TNFAIP8: variants seen among roughly 807,000 people sequenced by gnomAD.
TNFAIP8 encodes TNF alpha induced protein 8, also known as tumor necrosis factor alpha-induced protein 8.
Under a neutral mutation model 13.3 loss-of-function variants are expected in TNFAIP8, and 7 were observed. The observed-to-expected ratio is 0.52, with a 90% CI of 0.30 to 0.99. The LOEUF (loss-of-function observed/expected upper bound fraction) is 0.99, where lower values mean the gene tolerates loss of function less well. Among genes scored for constraint, TNFAIP8 ranks in the 50% least tolerant of loss-of-function variants. TNFAIP8 has a pLI of 0.07. For synonymous variants in TNFAIP8, 94 were observed against 87.6 expected, an observed-to-expected ratio of 1.07 and a Z score of -0.41; for missense variants, 258 against 236.9, an observed-to-expected ratio of 1.09 and a Z score of -0.58.
At chr5:119,272,641 G>A (rs1748324190) in intron 1 of TNFAIP8, among the ~76,000 whole-genome samples, 1 of 152,182 alleles carries the variant, frequency 6.6e-6, no homozygotes, top group Non-Finnish European at 1.5e-5. Flanking sequence ...CCTGAGAATT[G>A]TTTGAAAATG....
chr5:119,312,444 C>T (rs1749758517), intron 1 of TNFAIP8, among the ~76,000 whole-genome samples: 1 of 152,116 alleles, frequency 6.6e-6, no homozygotes, highest in South Asian at 2.1e-4. Context: ...TTACATAGAA[C>T]ATGTCTTACT....
intron 1 of TNFAIP8, among the ~76,000 whole-genome samples, chr5:119,295,449 G>T (rs535730420): frequency 6.6e-6 from 1 of 151,876 alleles, no homozygotes; most frequent in East Asian, 1.9e-4. Context: ...TAGATATGCG[G>T]CGTTATTTCT....
At chr5:119,273,913 A>C (rs1176233195) in intron 1 of TNFAIP8, among the ~76,000 whole-genome samples, 2 of 152,206 alleles carry the variant, frequency 1.3e-5, no homozygotes, top group Non-Finnish European at 2.9e-5. Flanking sequence ...TCACTCTGTC[A>C]ATACCCTCTC....
rs146033490 is a variant in TNFAIP8 at position 119,373,964 on chromosome 5, G to A, written c.31+17843G>A. Among the ~76,000 whole-genome samples the A allele has an allele frequency of 2.6e-5, 4 of 151,538 alleles. No homozygotes were observed. In the East Asian group the frequency reaches 7.7e-4, roughly 29 times the overall value. ...CTGGCTAGAAACTAATAGTATTGGT[G>A]TTTTTTTTCCTCATTGAATTATTTC... is the stretch of plus-strand genomic sequence containing the variant. On this transcript the variant is annotated intron_variant, in intron 1 of 1. Transcript: ENST00000504771.
At chr5:119,370,864 T>TAA (rs1410098284) in intron 1 of TNFAIP8, among the ~76,000 whole-genome samples, 1 of 152,228 alleles carries the variant, frequency 6.6e-6, no homozygotes, top group African/African-American at 2.4e-5. Context: ...AGCTGGGAGA[T>TAA]TATTAAGGCC....
chr5:119,277,538 A>G (rs1251699503), intron 1 of TNFAIP8, among the ~76,000 whole-genome samples: 1 of 152,202 alleles, frequency 6.6e-6, no homozygotes, highest in Non-Finnish European at 1.5e-5. Flanking sequence ...TTATAAGGAT[A>G]CCAATCAAAT....
intron 1 of TNFAIP8, among the ~76,000 whole-genome samples, chr5:119,358,479 T>G (rs149805838): frequency 1.0e-3 from 153 of 152,292 alleles, no homozygotes; most frequent in African/African-American, 3.6e-3. Flanking sequence ...AATGAATAAG[T>G]GATTGTGCTT....
At chr5:119,371,917 C>G (rs767351182) in intron 1 of TNFAIP8, among the ~76,000 whole-genome samples, 8 of 151,650 alleles carry the variant, frequency 5.3e-5, no homozygotes. Flanking sequence ...GCGGGCAGAT[C>G]ACAAAGTCAG....
upstream of TNFAIP8, chr5:119,354,470 A>G (rs926377838): frequency 1.1e-4 from 16 of 152,134 alleles, no homozygotes; most frequent in African/African-American, 3.1e-4. Flanking sequence ...AATATTTATA[A>G]TAGCCTTCAC....
chr5:119,335,293 A>C (rs1750518168), intron 1 of TNFAIP8, among the ~76,000 whole-genome samples: 1 of 152,204 alleles, frequency 6.6e-6, no homozygotes, highest in Non-Finnish European at 1.5e-5. Context: ...TAAATGAACG[A>C]GAGAGAGGAG....
At chr5:119,276,725 C>A (rs1388361035) in intron 1 of TNFAIP8, among the ~76,000 whole-genome samples, 1 of 152,116 alleles carries the variant, frequency 6.6e-6, no homozygotes, top group Non-Finnish European at 1.5e-5. Context: ...AGATTAGGGT[C>A]CCACCCTTAT....
At chr5:119,284,622 A>G (rs940349442) in intron 1 of TNFAIP8, among the ~76,000 whole-genome samples, 5 of 151,978 alleles carry the variant, frequency 3.3e-5, no homozygotes, top group Admixed American at 3.3e-4. Context: ...AGGAGGTTGC[A>G]GTGAGCCAAG....
intron 1 of TNFAIP8, among the ~76,000 whole-genome samples, chr5:119,319,052 C>A (rs905800972): frequency 6.6e-6 from 1 of 152,194 alleles, no homozygotes; most frequent in African/African-American, 2.4e-5. Flanking sequence ...TCAAGGGATA[C>A]TTTAATTGTA....
chr5:119,388,793 C>A (rs1347986347), intron 1 of TNFAIP8, among the ~76,000 whole-genome samples: 3 of 144,300 alleles, frequency 2.1e-5, no homozygotes, highest in Non-Finnish European at 4.5e-5. Flanking sequence ...ACTACATGCC[C>A]AGCTATTTTT....
chr5:119,284,896 G>T lies in TNFAIP8; in HGVS notation c.1+15989G>T, dbSNP rs186931765. 2.8e-4 allele frequency among the ~76,000 whole-genome samples: 42 copies of T among 152,260 alleles called. 1 individual carries two copies. Among genetic ancestry groups the T allele is most frequent in the Admixed American group, 6.5e-4 (10 of 15,296 alleles). On this transcript the variant is annotated intron_variant, in intron 1 of 1. Coordinates refer to the TNFAIP8 transcript ENST00000274456. ...GGTGAAACTTAAATGTGCCAATTTT[G>T]AAACTTGCTAGGCATTCTAGTAGTG... is the stretch of plus-strand genomic sequence containing the variant.
chr5:119,319,534 G>A (rs758721982), intron 1 of TNFAIP8, among the ~76,000 whole-genome samples: 6 of 152,134 alleles, frequency 3.9e-5, no homozygotes, highest in South Asian at 4.1e-4. Flanking sequence ...GTGTGTATGC[G>A]TACACACATG....
chr5:119,376,706 C>T (rs532707948), intron 1 of TNFAIP8, among the ~76,000 whole-genome samples: 12 of 152,026 alleles, frequency 7.9e-5, no homozygotes, highest in South Asian at 4.2e-4. Context: ...TCAGGGAGTA[C>T]GGAAACAAAA....
At position 119,372,353 on chromosome 5, in the gene TNFAIP8, C is replaced by T. The variant is rs1405381825; in HGVS notation, c.31+16232C>T. On this transcript the variant is annotated intron_variant, in intron 1 of 1. Transcript: ENST00000504771. ...AAAAAAAAAAAAGAATACTAGAAAT[C>T]ACATCAAGAAGAAAAGTTCAATAAA... Among the ~76,000 whole-genome samples the T allele has an allele frequency of 4.1e-5, 6 of 146,428 alleles. No individual in the cohort carries two copies. The South Asian group carries it at 8.7e-4, about 21-fold the overall frequency.
chr5:119,344,648 C>T (rs1370429040), intron 1 of TNFAIP8, among the ~76,000 whole-genome samples: 1 of 152,076 alleles, frequency 6.6e-6, no homozygotes, highest in African/African-American at 2.4e-5. Context: ...TTAAGGGAAA[C>T]TAGCTTAAAA....
Sources: gnomAD v4.1 joint callset for allele counts (sites outside exome capture counted in the v4.1 genomes callset) on GRCh38, gnomAD v4.1.1 for gene constraint, MANE v1.5 for transcripts, NCBI Gene and HGNC (gene_info 2026-07-23, HGNC 2026-07-21) for gene names.